The following PCTP variants were observed in gnomAD, a reference collection of about 807,000 sequenced individuals.
PCTP encodes phosphatidylcholine transfer protein, also known as START domain-containing protein 2.
A neutral mutation model predicts 31.0 loss-of-function variants in PCTP; 27 were observed. That is an observed-to-expected ratio of 0.87 (90% CI 0.64 to 1.20). PCTP has a LOEUF of 1.20. Ranked by LOEUF, PCTP falls within the 50% of genes most tolerant of loss-of-function variation. The pLI is 0.00. For synonymous variants in PCTP, 108 were observed against 101.2 expected (o/e 1.07, Z -0.40); for missense variants, 287 against 268.2 (o/e 1.07, Z -0.49).
intron 5 of PCTP, among the ~76,000 whole-genome samples, chr17:55,834,710 G>C (rs533333100): frequency 1.3e-5 from 2 of 152,240 alleles, no homozygotes; most frequent in African/African-American, 4.8e-5. Flanking sequence ...CAGACAGCTT[G>C]GATCTTGGAT....
rs954748900 is a variant in PCTP at position 55,751,236 on chromosome 17, C to T, written c.133C>T (p.Leu45=). The change falls in exon 1 of 6, where the codon CTG becomes TTG. Residue 45 remains leucine (L), a synonymous_variant. Coordinates refer to ENST00000268896, the MANE Select transcript of PCTP (RefSeq NM_021213.4). ...CTCGGGCATCAGCATCTACCGGCTGCTGGACAAGGTAGCGGCCAACCCGCT... is the reference window on the plus strand; with the variant it reads ...CTCGGGCATCAGCATCTACCGGCTGTTGGACAAGGTAGCGGCCAACCCGCT... ...ETSGISIYRL[L]DKKTGLYEYK... 5.2e-6 allele frequency: 8 copies of T among 1,540,290 alleles called. No individual in the cohort carries two copies. The African/African-American group carries it at 8.3e-5, about 16-fold the overall frequency.
chr17:55,796,812 C>A (rs532571620), intron 3 of PCTP, among the ~76,000 whole-genome samples: 1 of 151,878 alleles, frequency 6.6e-6, no homozygotes, highest in African/African-American at 2.4e-5. Flanking sequence ...AAAAGTAAAT[C>A]AACAGTGGTA....
Position 55,776,928 on chromosome 17 carries a change from C to T in PCTP, c.*828C>T, listed in dbSNP as rs1429748828. The T allele has an allele frequency of 4.0e-6, 4 of 988,008 alleles. No homozygotes were observed. Among genetic ancestry groups the T allele is most frequent in the Non-Finnish European group, 3.6e-6 (3 of 831,886 alleles). The allele number at this position is 988,008 out of a possible 1,614,324, so 61.2% of individuals were successfully genotyped here. A position where few individuals can be genotyped will look rare whatever the true frequency, so the allele number is the denominator to read the frequency against. ...AGATGGCTGTGGCAGCTAGCAAAAG[C>T]AAAGATGCTTTGTGCATAGCCTTGT... On this transcript the variant is annotated 3_prime_UTR_variant, in exon 6 of 6. Transcript: ENST00000268896.
At chr17:55,767,523 G>T in intron 2 of PCTP, 71 bp downstream of exon 2, 1 of 1,064,760 alleles carries the variant, frequency 9.4e-7, no homozygotes, top group African/African-American at 1.6e-5. Context: ...GAAGTGCAAA[G>T]GTAGGATCTC....
intron 3 of PCTP, among the ~76,000 whole-genome samples, chr17:55,801,863 T>C (rs1912395256): frequency 6.6e-6 from 1 of 151,664 alleles, no homozygotes; most frequent in Non-Finnish European, 1.5e-5. Flanking sequence ...ATAACTAAGA[T>C]CAGAGCAGAA....
intron 3 of PCTP, among the ~76,000 whole-genome samples, chr17:55,810,108 C>T (rs1912699482): frequency 6.6e-6 from 1 of 152,038 alleles, no homozygotes; most frequent in South Asian, 2.1e-4. Flanking sequence ...CAACATTAAA[C>T]TCCCAGGCTC....
At chr17:55,766,026 A>C (rs927767048) in intron 1 of PCTP, among the ~76,000 whole-genome samples, 2 of 152,230 alleles carry the variant, frequency 1.3e-5, no homozygotes, top group African/African-American at 4.8e-5. Context: ...TCACCTGATT[A>C]CATAGATGTC....
chr17:55,833,709 G>C (rs943332829), intron 5 of PCTP, among the ~76,000 whole-genome samples: 1 of 152,226 alleles, frequency 6.6e-6, no homozygotes, highest in African/African-American at 2.4e-5. Context: ...GCATGCTCAA[G>C]TTTGAGAACC....
chr17:55,828,417 C>T (rs1390009675), intron 5 of PCTP, among the ~76,000 whole-genome samples: 2 of 152,202 alleles, frequency 1.3e-5, no homozygotes, highest in African/African-American at 4.8e-5. Flanking sequence ...GTGGCAGCAT[C>T]ACTCCAACCT....
intron 3 of PCTP, among the ~76,000 whole-genome samples, chr17:55,791,128 TC>T (rs1172175885): frequency 2.0e-5 from 3 of 151,844 alleles, no homozygotes; most frequent in African/African-American, 7.3e-5. Context: ...CTGGATCCCT[TC>T]CTTACACCTT....
intron 3 of PCTP, among the ~76,000 whole-genome samples, chr17:55,789,897 A>G (rs1911894036): frequency 6.6e-6 from 1 of 152,182 alleles, no homozygotes; most frequent in Admixed American, 6.5e-5. Context: ...TGATGCAAAA[A>G]TCCTCAATAA....
intron 5 of PCTP, among the ~76,000 whole-genome samples, chr17:55,829,688 A>AC (rs1261176375): frequency 7.5e-6 from 1 of 133,112 alleles, no homozygotes; most frequent in East Asian, 2.2e-4. Flanking sequence ...ATAATAATTT[A>AC]AACACACACA....
At chr17:55,828,312 C>A (rs545271107) in intron 5 of PCTP, among the ~76,000 whole-genome samples, 20 of 152,156 alleles carry the variant, frequency 1.3e-4, no homozygotes, top group Non-Finnish European at 2.9e-4. Flanking sequence ...CATCTGAAAC[C>A]GAGGTGTCAG....
Position 55,790,319 on chromosome 17 carries a change from G to T in PCTP, c.317+2665G>T, listed in dbSNP as rs556650102. 3.3e-5 allele frequency among the ~76,000 whole-genome samples: 5 copies of T among 152,230 alleles called. No individual in the cohort carries two copies. In the South Asian group the frequency reaches 1.0e-3, roughly 32 times the overall value. On this transcript the variant is annotated intron_variant, in intron 3 of 3. Transcript: ENST00000572536. ...TTCTGGCCAGGGCAATTAGGCAGGA[G>T]AAGGAAATAAAGGGTATTCAATTAG...
chr17:55,849,551 A>T, the PCTP span, among the ~76,000 whole-genome samples: 1 of 152,200 alleles, frequency 6.6e-6, no homozygotes, highest in Non-Finnish European at 1.5e-5. Flanking sequence ...TGAACCCAGG[A>T]GGTGGAGGTT....
chr17:55,844,512 C>T (rs1373730253), downstream of PCTP, among the ~76,000 whole-genome samples: 3 of 152,050 alleles, frequency 2.0e-5, no homozygotes, highest in African/African-American at 7.2e-5. Flanking sequence ...GAGTTTTAAC[C>T]CTTGAGGTCA....
At chr17:55,818,287 C>T (rs866471882) in intron 3 of PCTP, among the ~76,000 whole-genome samples, 71 of 152,172 alleles carry the variant, frequency 4.7e-4, no homozygotes, top group African/African-American at 1.6e-3. Flanking sequence ...TTGGCAGAGG[C>T]CAGATCAATA....
intron 5 of PCTP, 160 bp from the exon 6 acceptor site, chr17:55,775,875 T>G (rs1267876556): frequency 3.7e-5 from 51 of 1,390,364 alleles, no homozygotes; most frequent in Non-Finnish European, 4.7e-5. Context: ...AGTCCTACTT[T>G]TTGTCATCAT....
At chr17:55,806,510 C>T (rs1374578447) in intron 3 of PCTP, among the ~76,000 whole-genome samples, 1 of 152,072 alleles carries the variant, frequency 6.6e-6, no homozygotes, top group African/African-American at 2.4e-5. Context: ...ACTGAATTTA[C>T]CCTCTGAAAA....
Sources: allele counts gnomAD v4.1 joint callset (sites outside exome capture counted in the v4.1 genomes callset), GRCh38; gene constraint gnomAD v4.1.1; transcripts MANE v1.5; gene names NCBI Gene and HGNC (gene_info 2026-07-23, HGNC 2026-07-21).